The following DAB1 variants were observed in gnomAD, a reference collection of about 807,000 sequenced individuals.
DAB1 encodes DAB adaptor protein 1.
In DAB1, 15 loss-of-function variants were observed where a neutral mutation model predicts 64.6. The ratio of observed to expected loss-of-function variants is 0.23; its 90% confidence interval spans 0.16 to 0.36. The LOEUF (loss-of-function observed/expected upper bound fraction) is 0.36. Among genes scored for constraint, DAB1 ranks in the 10% least tolerant of loss-of-function variants. The pLI is 1.00. For missense variants in DAB1, 596 were observed against 706.7 expected (o/e 0.84, Z 1.78); for synonymous variants, 235 against 251.9 (o/e 0.93, Z 0.64).
intron 7 of DAB1, among the ~76,000 whole-genome samples, chr1:57,482,072 A>G (rs974205467): frequency 1.3e-5 from 2 of 152,138 alleles, no homozygotes; most frequent in Non-Finnish European, 2.9e-5. Flanking sequence ...ATAAATATCT[A>G]TGCATGAGGG....
intron 1 of DAB1, among the ~76,000 whole-genome samples, chr1:57,861,475 C>T (rs1219597922): frequency 6.6e-6 from 1 of 152,050 alleles, no homozygotes; most frequent in African/African-American, 2.4e-5. Flanking sequence ...TGGCAAAGGC[C>T]CTGCCTCTAA....
At chr1:57,859,089 A>G (rs68051884) in intron 1 of DAB1, among the ~76,000 whole-genome samples, 14,729 of 152,098 alleles carry the variant, frequency 0.097, 904 homozygotes, top group Admixed American at 0.21. Context: ...AAAGCATGAG[A>G]ACAGAACTTC....
intron 4 of DAB1, among the ~76,000 whole-genome samples, chr1:58,286,768 C>T (rs998580200): frequency 4.6e-5 from 7 of 152,120 alleles, no homozygotes; most frequent in African/African-American, 9.7e-5. Context: ...GGTGATTCCT[C>T]GAAGACATGG....
At chr1:58,014,907 G>T (rs567137289) in intron 5 of DAB1, among the ~76,000 whole-genome samples, 2 of 152,166 alleles carry the variant, frequency 1.3e-5, no homozygotes, top group Non-Finnish European at 2.9e-5. Flanking sequence ...CAAAGAAGGG[G>T]GAAACAGTAG....
At chr1:58,007,961 A>G (rs2100421699) in intron 5 of DAB1, among the ~76,000 whole-genome samples, 2 of 152,310 alleles carry the variant, frequency 1.3e-5, no homozygotes, top group East Asian at 3.9e-4. Context: ...CATAGTATAG[A>G]GAATCTTCTA....
intron 2 of DAB1, among the ~76,000 whole-genome samples, chr1:57,182,053 T>C (rs889582627): frequency 1.3e-5 from 2 of 151,972 alleles, no homozygotes; most frequent in African/African-American, 2.4e-5. Flanking sequence ...GCCCAGCTGA[T>C]TTTTTGTATT....
intron 1 of DAB1, chr1:57,386,844 A>G (rs1681909601): frequency 6.6e-6 from 1 of 152,124 alleles, no homozygotes. Flanking sequence ...CCTGAGGCCC[A>G]TGCAACATTA....
At chr1:57,385,926 T>C (rs1305787924) in intron 1 of DAB1, among the ~76,000 whole-genome samples, 6 of 152,176 alleles carry the variant, frequency 3.9e-5, no homozygotes, top group Admixed American at 2.6e-4. Flanking sequence ...TAGCTGCCTC[T>C]TGGAAGAGGC....
intron 3 of DAB1, among the ~76,000 whole-genome samples, chr1:58,436,413 G>C (rs74076242): frequency 0.012 from 1,834 of 152,282 alleles, 40 homozygotes; most frequent in African/African-American, 0.041. Flanking sequence ...TTCTCCAACA[G>C]AGCAGCCAAC....
intron 2 of DAB1, among the ~76,000 whole-genome samples, chr1:57,149,279 C>T (rs1438593718): frequency 2.0e-5 from 3 of 152,132 alleles, no homozygotes; most frequent in Non-Finnish European, 4.4e-5. Context: ...AATAATGCTG[C>T]TATGAACATT....
At chr1:57,102,762 A>AG (rs1654797141) in intron 4 of DAB1, among the ~76,000 whole-genome samples, 1 of 152,168 alleles carries the variant, frequency 6.6e-6, no homozygotes, top group South Asian at 2.1e-4. Flanking sequence ...TGGAAAAAAA[A>AG]TGTTTTTCAT....
chr1:57,997,559 T>A (rs1646444317), intron 5 of DAB1, among the ~76,000 whole-genome samples: 1 of 152,160 alleles, frequency 6.6e-6, no homozygotes, highest in Non-Finnish European at 1.5e-5. Flanking sequence ...TTGAGGTTGC[T>A]GCAGACTCCT....
chr1:57,187,008 C>T (rs965599756), intron 2 of DAB1, among the ~76,000 whole-genome samples: 4 of 151,976 alleles, frequency 2.6e-5, no homozygotes, highest in Admixed American at 2.0e-4. Context: ...TGGTTATTGT[C>T]CCCCCAAAAA....
chr1:57,306,507 A>T (rs1674187151), intron 1 of DAB1, among the ~76,000 whole-genome samples: 1 of 149,044 alleles, frequency 6.7e-6, no homozygotes, highest in Non-Finnish European at 1.5e-5. Flanking sequence ...TCTCTCTTAG[A>T]ACAGGCTTTT....
At chr1:58,437,383 G>T (rs706429) in intron 3 of DAB1, among the ~76,000 whole-genome samples, 2,745 of 152,268 alleles carry the variant, frequency 0.018, 87 homozygotes, top group African/African-American at 0.062. Flanking sequence ...AGAAAGCCGG[G>T]CAGGAGGACT....
chr1:58,175,551 G>C (rs1656420939), intron 4 of DAB1, among the ~76,000 whole-genome samples: 1 of 152,136 alleles, frequency 6.6e-6, no homozygotes. Flanking sequence ...GTTTTAACTT[G>C]CATTTCCCTA....
At chr1:58,536,050 A>C (rs1459624090) in intron 1 of DAB1, among the ~76,000 whole-genome samples, 17 of 152,172 alleles carry the variant, frequency 1.1e-4, no homozygotes, top group Non-Finnish European at 2.9e-5. Flanking sequence ...ACAATCAAAA[A>C]AATAATTATG....
At chr1:58,466,898 G>A (rs1645303334) in intron 3 of DAB1, among the ~76,000 whole-genome samples, 1 of 152,182 alleles carries the variant, frequency 6.6e-6, no homozygotes, top group Admixed American at 6.5e-5. Context: ...ATTCATCACT[G>A]TATCCTAGTG....
intron 1 of DAB1, among the ~76,000 whole-genome samples, chr1:57,381,137 G>A (rs545275620): frequency 5.4e-4 from 82 of 152,190 alleles, no homozygotes; most frequent in African/African-American, 1.5e-3. Flanking sequence ...CAAAATTACC[G>A]TGAGGCGCTA....
Sources: allele counts gnomAD v4.1 joint callset (sites outside exome capture counted in the v4.1 genomes callset), GRCh38; gene constraint gnomAD v4.1.1; transcripts MANE v1.5; gene names NCBI Gene and HGNC (gene_info 2026-07-23, HGNC 2026-07-21).